The following STUM variants were observed in gnomAD, a reference collection of about 807,000 sequenced individuals.
STUM encodes the protein stum, mechanosensory transduction mediator homolog.
A neutral mutation model predicts 15.3 loss-of-function variants in STUM; 8 were observed. That is an observed-to-expected ratio of 0.52 (90% CI 0.31 to 0.94). The LOEUF (loss-of-function observed/expected upper bound fraction) is 0.94. Among genes scored for constraint, STUM ranks in the 40% least tolerant of loss-of-function variants. The pLI is 0.05. For missense variants in STUM, 142 were observed against 204.9 expected, an observed-to-expected ratio of 0.69 and a Z score of 1.87; for synonymous variants, 78 against 88.7, an observed-to-expected ratio of 0.88 and a Z score of 0.68.
At chr1:226,577,021 C>T (rs935690394) in intron 1 of STUM, among the ~76,000 whole-genome samples, 2 of 152,226 alleles carry the variant, frequency 1.3e-5, no homozygotes, top group Admixed American at 6.5e-5. Flanking sequence ...GCACCTGTTA[C>T]CCCTCTACTG....
At chr1:226,599,405 C>A (rs1054137496) in intron 2 of STUM, among the ~76,000 whole-genome samples, 1 of 152,254 alleles carries the variant, frequency 6.6e-6, no homozygotes, top group African/African-American at 2.4e-5. Context: ...TTACTCCCAG[C>A]AACCATGGAA....
chr1:226,600,628 C>T lies in STUM; in HGVS notation c.383-38C>T. The T allele has an allele frequency of 2.4e-5, 38 of 1,610,070 alleles. No individual in the cohort carries two copies. Among genetic ancestry groups the T allele is most frequent in the Non-Finnish European group, 3.2e-5 (38 of 1,179,744 alleles). ...TGTGTTTTCTCTTCTTCTCTCTCTC[C>T]TCTTCCTCCTGCTGCCTCCCACTCT... is the stretch of plus-strand genomic sequence containing the variant. On this transcript the variant is annotated intron_variant, in intron 2 of 3. Coordinates refer to ENST00000366788, the MANE Select transcript of STUM (RefSeq NM_001003665.4). This position sits in a 1 kb window ranked among gnomAD's most constrained non-coding sequence, Gnocchi z 5.2.
At chr1:226,554,741 T>G (rs967939862) in intron 1 of STUM, among the ~76,000 whole-genome samples, 2 of 152,226 alleles carry the variant, frequency 1.3e-5, no homozygotes, top group African/African-American at 4.8e-5. Flanking sequence ...CACACATCCA[T>G]GCTGAAATTG....
At chr1:226,576,810 GACACAC>G (rs559430760) in intron 1 of STUM, among the ~76,000 whole-genome samples, 234 of 152,296 alleles carry the variant, frequency 1.5e-3, no homozygotes, top group Non-Finnish European at 2.4e-3. Flanking sequence ...TAGTTCCGTG[GACACAC>G]AGCTCTTTGG....
chr1:226,598,307 CCT>C, intron 2 of STUM, among the ~76,000 whole-genome samples: 1 of 152,288 alleles, frequency 6.6e-6, no homozygotes, highest in South Asian at 2.1e-4. Context: ...GTGCTTCTGC[CCT>C]CAGAAGGTTG....
At chr1:226,579,111 A>G (rs889913308) in intron 1 of STUM, among the ~76,000 whole-genome samples, 24 of 152,138 alleles carry the variant, frequency 1.6e-4, no homozygotes, top group Admixed American at 1.4e-3. Flanking sequence ...TCCCAGTGCC[A>G]TTTCTTAGGA....
At chr1:226,558,377 G>C (rs1234716771) in intron 1 of STUM, among the ~76,000 whole-genome samples, 2 of 152,096 alleles carry the variant, frequency 1.3e-5, no homozygotes, top group Non-Finnish European at 2.9e-5. Context: ...TGGCAACTGG[G>C]GGTGGACAGG....
rs1192223942 is a variant in STUM at position 226,607,261 on chromosome 1, A to C, written c.*5221A>C. ...CTGGATGTTCACGGGATCATGGGGCATGGAGGTGGTCACGCTCAGACAGTC... is the reference window on the plus strand; with the variant it reads ...CTGGATGTTCACGGGATCATGGGGCCTGGAGGTGGTCACGCTCAGACAGTC... On this transcript the variant is annotated 3_prime_UTR_variant, in exon 4 of 4. Transcript: ENST00000366788. The C allele has an allele frequency of 6.6e-6, 1 of 152,356 alleles. No individual in the cohort carries two copies. Among genetic ancestry groups the C allele is most frequent in the African/African-American group, 2.4e-5 (1 of 41,462 alleles). 9.4% of individuals were successfully genotyped at this position (152,356 alleles called of 1,614,324 possible).
intron 1 of STUM, among the ~76,000 whole-genome samples, chr1:226,553,294 T>C (rs1667398024): frequency 6.6e-6 from 1 of 152,060 alleles, no homozygotes; most frequent in Non-Finnish European, 1.5e-5. Flanking sequence ...GAGAGTATTA[T>C]TAGGACACTG....
chr1:226,571,600 C>T (rs1264899770), intron 1 of STUM, among the ~76,000 whole-genome samples: 1 of 151,746 alleles, frequency 6.6e-6, no homozygotes, highest in East Asian at 1.9e-4. Flanking sequence ...GGTTTGTGGA[C>T]CCCAGGGTTA....
At chr1:226,557,468 C>T (rs1013276291) in intron 1 of STUM, among the ~76,000 whole-genome samples, 2 of 152,102 alleles carry the variant, frequency 1.3e-5, no homozygotes, top group African/African-American at 4.8e-5. Flanking sequence ...CTTGGATAAA[C>T]ACATTTCAAA....
At chr1:226,577,999 G>A (rs1468059791) in intron 1 of STUM, among the ~76,000 whole-genome samples, 1 of 152,156 alleles carries the variant, frequency 6.6e-6, no homozygotes, top group Admixed American at 6.5e-5. Context: ...CTGACACGCA[G>A]CCTTACTTTT....
At chr1:226,575,590 G>A (rs1667796159) in intron 1 of STUM, among the ~76,000 whole-genome samples, 1 of 152,232 alleles carries the variant, frequency 6.6e-6, no homozygotes, top group African/African-American at 2.4e-5. Flanking sequence ...AACAGGGTTG[G>A]GGAGAAGACG....
chr1:226,561,462 CGT>C (rs1667541780), intron 1 of STUM, among the ~76,000 whole-genome samples: 1 of 152,052 alleles, frequency 6.6e-6, no homozygotes, highest in African/African-American at 2.4e-5. Context: ...TGTCCTGCAG[CGT>C]GTGTGTCTCT....
chr1:226,602,354 C>A lies in STUM; in HGVS notation c.*314C>A. 1 of 390,026 alleles carries A rather than the reference C, an allele frequency of 2.6e-6. No homozygotes were observed. The allele number at this position is 390,026 out of a possible 1,614,324, so 24.2% of individuals were successfully genotyped here. A position where few individuals can be genotyped will look rare whatever the true frequency, so the allele number is the denominator to read the frequency against. On this transcript the variant is annotated 3_prime_UTR_variant, in exon 4 of 4. Transcript: ENST00000366788. ...AGGCTCCAACTGGCCTTGCTGTACCCACTGCCCACCGCAAAGGCACGCCAC... is the reference window on the plus strand; with the variant it reads ...AGGCTCCAACTGGCCTTGCTGTACCAACTGCCCACCGCAAAGGCACGCCAC...
chr1:226,559,525 G>A (rs1384460216), intron 1 of STUM, among the ~76,000 whole-genome samples: 1 of 152,164 alleles, frequency 6.6e-6, no homozygotes, highest in African/African-American at 2.4e-5. Context: ...GACCTGGTGA[G>A]GACTGCGGAG....
chr1:226,570,158 C>T (rs1209828631), intron 1 of STUM, among the ~76,000 whole-genome samples: 4 of 152,146 alleles, frequency 2.6e-5, no homozygotes, highest in South Asian at 4.1e-4. Context: ...GGCTGTCACC[C>T]GGAGCTCTGG....
At chr1:226,591,830 T>C (rs138332008) in intron 1 of STUM, among the ~76,000 whole-genome samples, 19 of 152,272 alleles carry the variant, frequency 1.2e-4, no homozygotes, top group Non-Finnish European at 2.5e-4. Context: ...CATGGAATGC[T>C]GTTCCCATTT....
intron 1 of STUM, among the ~76,000 whole-genome samples, chr1:226,570,541 G>A (rs891134723): frequency 3.9e-5 from 6 of 152,206 alleles, no homozygotes; most frequent in Admixed American, 3.3e-4. Context: ...GCACCAGGGT[G>A]AGAGAAGTTT....
Sources: allele counts gnomAD v4.1 joint callset (sites outside exome capture counted in the v4.1 genomes callset), GRCh38; gene constraint gnomAD v4.1.1; non-coding constraint Gnocchi (gnomAD v3.1); transcripts MANE v1.5; gene names NCBI Gene and HGNC (gene_info 2026-07-23, HGNC 2026-07-21).